TTC28: variants seen among roughly 807,000 people sequenced by gnomAD.
The protein encoded by TTC28 is tetratricopeptide repeat protein 28.
TTC28 carries 61 observed loss-of-function variants against 198.0 expected under a neutral mutation model. The ratio of observed to expected loss-of-function variants is 0.31; its 90% CI spans 0.25 to 0.38. The LOEUF is 0.38. Ranked by LOEUF, TTC28 falls within the 10% of genes least tolerant of loss-of-function variation. The pLI, the probability that TTC28 is intolerant of heterozygous loss-of-function variation, is 1.00. For synonymous variants in TTC28, 1,171 were observed against 1,297.8 expected (o/e 0.90, Z 2.10); for missense variants, 2,678 against 3,164.0 (o/e 0.85, Z 3.69).
chr22:28,594,287 T>C (rs12165913), intron 2 of TTC28, among the ~76,000 whole-genome samples: 15,130 of 148,606 alleles, frequency 0.1, 1,068 homozygotes, highest in African/African-American at 0.19. Context: ...TAATTAATTA[T>C]ATTATTTATA....
chr22:28,302,736 A>G (rs2045052703), intron 3 of TTC28, among the ~76,000 whole-genome samples: 1 of 152,074 alleles, frequency 6.6e-6, no homozygotes, highest in East Asian at 1.9e-4. Context: ...GTGCAGGGAC[A>G]CGATCTCAGC....
intron 3 of TTC28, among the ~76,000 whole-genome samples, chr22:28,302,760 C>T (rs993866735): frequency 3.3e-5 from 5 of 152,052 alleles, no homozygotes; most frequent in East Asian, 1.9e-4. Context: ...CTGCAACCTC[C>T]GCCTCCCGGG....
intron 2 of TTC28, among the ~76,000 whole-genome samples, chr22:28,443,667 T>G (rs1484058150): frequency 6.6e-6 from 1 of 152,168 alleles, no homozygotes; most frequent in Non-Finnish European, 1.5e-5. Context: ...AATGACTTCC[T>G]TCCCTTCAGT....
At chr22:28,255,047 A>T (rs1930800515) in intron 5 of TTC28, among the ~76,000 whole-genome samples, 1 of 152,208 alleles carries the variant, frequency 6.6e-6, no homozygotes, top group Non-Finnish European at 1.5e-5. Flanking sequence ...ACCACAAAAT[A>T]AACATTAAGA....
intron 2 of TTC28, among the ~76,000 whole-genome samples, chr22:28,417,210 T>C (rs998664303): frequency 7.1e-6 from 1 of 140,274 alleles, no homozygotes; most frequent in Non-Finnish European, 1.5e-5. Context: ...GCAAGAGTAA[T>C]CCCAACACTT....
At chr22:28,329,194 GAT>G in intron 2 of TTC28, among the ~76,000 whole-genome samples, 1 of 152,188 alleles carries the variant, frequency 6.6e-6, no homozygotes, top group Admixed American at 6.5e-5. Flanking sequence ...TGTATGTATA[GAT>G]ATATGTATGT....
At chr22:28,550,039 T>C (rs2049632267) in intron 2 of TTC28, among the ~76,000 whole-genome samples, 1 of 152,204 alleles carries the variant, frequency 6.6e-6, no homozygotes, top group South Asian at 2.1e-4. Flanking sequence ...TTAAGATCAA[T>C]GATAACCATT....
At chr22:28,142,508 A>G (rs1255240861) in intron 6 of TTC28, among the ~76,000 whole-genome samples, 1 of 152,224 alleles carries the variant, frequency 6.6e-6, no homozygotes, top group Non-Finnish European at 1.5e-5. Flanking sequence ...CTTGTAAACC[A>G]CAGACACAAA....
At chr22:28,312,170 CTAAA>C (rs2045271411) in intron 2 of TTC28, among the ~76,000 whole-genome samples, 1 of 152,048 alleles carries the variant, frequency 6.6e-6, no homozygotes, top group Non-Finnish European at 1.5e-5. Context: ...GCTAACTATC[CTAAA>C]TATATATGCA....
At chr22:28,434,478 G>T (rs2047487764) in intron 2 of TTC28, among the ~76,000 whole-genome samples, 1 of 152,100 alleles carries the variant, frequency 6.6e-6, no homozygotes, top group Non-Finnish European at 1.5e-5. Context: ...GAGGTCAAGA[G>T]TTCGAGACCA....
chr22:28,583,212 A>T (rs2050257215), intron 2 of TTC28, among the ~76,000 whole-genome samples: 1 of 152,214 alleles, frequency 6.6e-6, no homozygotes, highest in South Asian at 2.1e-4. Context: ...TTTTAAAAAA[A>T]TGAGGACATC....
intron 2 of TTC28, among the ~76,000 whole-genome samples, chr22:28,489,219 G>T (rs1006853993): frequency 6.6e-6 from 1 of 151,936 alleles, no homozygotes; most frequent in Non-Finnish European, 1.5e-5. Flanking sequence ...AGGAATTCGA[G>T]GCTTCTGTTA....
chr22:28,513,088 C>CT (rs1369174268), intron 2 of TTC28, among the ~76,000 whole-genome samples: 1 of 150,714 alleles, frequency 6.6e-6, no homozygotes, highest in Non-Finnish European at 1.5e-5. Context: ...TCAGGCGATC[C>CT]TCTCACCTCA....
intron 6 of TTC28, among the ~76,000 whole-genome samples, chr22:28,138,451 A>G (rs1943252774): frequency 6.6e-6 from 1 of 152,244 alleles, no homozygotes; most frequent in Non-Finnish European, 1.5e-5. Flanking sequence ...TTTAATGACT[A>G]ATAAAATAAG....
intron 6 of TTC28, among the ~76,000 whole-genome samples, chr22:28,153,163 TA>T: frequency 1.3e-5 from 2 of 151,946 alleles, no homozygotes; most frequent in Non-Finnish European, 2.9e-5. Flanking sequence ...ATTTAAGTAA[TA>T]TTTCTTAAAC....
intron 5 of TTC28, among the ~76,000 whole-genome samples, chr22:28,251,826 C>A (rs1359696277): frequency 6.6e-6 from 1 of 151,750 alleles, no homozygotes; most frequent in Non-Finnish European, 1.5e-5. Flanking sequence ...ATCAGAAATT[C>A]TCTCTCTCTC....
intron 2 of TTC28, among the ~76,000 whole-genome samples, chr22:28,549,742 A>G (rs1376364494): frequency 7.2e-5 from 11 of 152,230 alleles, no homozygotes; most frequent in Non-Finnish European, 5.9e-5. Context: ...GTGGTTATAT[A>G]CTTTTTACAG....
intron 5 of TTC28, among the ~76,000 whole-genome samples, chr22:28,202,704 T>C (rs1187611765): frequency 6.6e-6 from 1 of 152,196 alleles, no homozygotes; most frequent in Admixed American, 6.5e-5. Context: ...GTGCACGCAC[T>C]GTCTAGCTCT....
intron 5 of TTC28, among the ~76,000 whole-genome samples, chr22:28,203,695 C>G (rs1225468128): frequency 5.3e-5 from 8 of 152,090 alleles, no homozygotes; most frequent in Non-Finnish European, 1.0e-4. Context: ...TTCTCCACCC[C>G]CAACCACTCC....
Sources: gnomAD v4.1 joint callset for allele counts (sites outside exome capture counted in the v4.1 genomes callset) on GRCh38, gnomAD v4.1.1 for gene constraint, MANE v1.5 for transcripts, NCBI Gene and HGNC (gene_info 2026-07-23, HGNC 2026-07-21) for gene names.